Variants in LRRTM4 observed in about 807,000 individuals in gnomAD.
LRRTM4 encodes the protein leucine-rich repeat transmembrane neuronal protein 4.
A neutral mutation model predicts 47.6 loss-of-function variants in LRRTM4; 25 were observed. The ratio of observed to expected loss-of-function variants is 0.53; its 90% CI spans 0.38 to 0.73. The LOEUF (loss-of-function observed/expected upper bound fraction) is 0.73. Ranked by LOEUF, LRRTM4 falls within the 30% of genes least tolerant of loss-of-function variation. LRRTM4 has a pLI of 0.00. For missense variants in LRRTM4, 638 were observed against 713.4 expected (o/e 0.89, Z 1.20); for synonymous variants, 311 against 269.5 (o/e 1.15, Z -1.51).
intron 3 of LRRTM4, among the ~76,000 whole-genome samples, chr2:77,150,436 C>G (rs1213314999): frequency 2.0e-5 from 3 of 152,048 alleles, no homozygotes; most frequent in Non-Finnish European, 4.4e-5. Flanking sequence ...ATACTGTTAG[C>G]CTATTTCAGA....
At chr2:77,417,553 T>G (rs1487338121) in intron 3 of LRRTM4, among the ~76,000 whole-genome samples, 2 of 152,158 alleles carry the variant, frequency 1.3e-5, no homozygotes, top group Admixed American at 1.3e-4. Flanking sequence ...CATGGAACAC[T>G]ATGCAGCCAT....
intron 3 of LRRTM4, among the ~76,000 whole-genome samples, chr2:77,193,716 G>T (rs1434863178): frequency 6.6e-6 from 1 of 152,076 alleles, no homozygotes; most frequent in African/African-American, 2.4e-5. Context: ...CAAGAGAATC[G>T]CTTGAAGCCA....
intron 3 of LRRTM4, among the ~76,000 whole-genome samples, chr2:76,809,360 C>A (rs1670658730): frequency 1.3e-5 from 2 of 152,092 alleles, no homozygotes; most frequent in Non-Finnish European, 2.9e-5. Context: ...CTCCCACTCG[C>A]CCCCTCCCCA....
At chr2:76,930,973 G>A (rs188906229) in intron 3 of LRRTM4, among the ~76,000 whole-genome samples, 9 of 152,074 alleles carry the variant, frequency 5.9e-5, no homozygotes, top group African/African-American at 2.2e-4. Flanking sequence ...TCCTAGTGAT[G>A]TTTATAAAAC....
rs776648650 is a variant in LRRTM4 at position 77,051,015 on chromosome 2, ATTTTT to A, written c.1552-302104_1552-302100del. Among the ~76,000 whole-genome samples, 392 of 149,180 alleles carry A rather than the reference ATTTTT, an allele frequency of 2.6e-3. 2 individuals are homozygous for A. The highest frequency in any genetic ancestry group is 7.2e-3 in the African/African-American group (295 of 41,002). On this transcript the variant is annotated intron_variant, in intron 3 of 3. Coordinates refer to ENST00000409884, the MANE Select transcript of LRRTM4 (RefSeq NM_001134745.3). The stretch of plus-strand genomic sequence containing the variant: ...TCTAGGTAAACAAGATACTTAAAAC[ATTTTT>A]TTTTTTTTAAAATAGATAACACTAA...
chr2:77,084,077 T>C (rs1045243258), intron 3 of LRRTM4, among the ~76,000 whole-genome samples: 5 of 152,096 alleles, frequency 3.3e-5, no homozygotes, highest in Non-Finnish European at 7.3e-5. Context: ...AGTGCTGGGA[T>C]TACAGGTGTG....
At chr2:76,867,296 G>C (rs563840748) in intron 3 of LRRTM4, among the ~76,000 whole-genome samples, 9 of 152,280 alleles carry the variant, frequency 5.9e-5, no homozygotes, top group African/African-American at 1.9e-4. Context: ...TGTGGTGCTT[G>C]TTAGACAGGT....
chr2:77,014,523 T>TATA, intron 3 of LRRTM4, among the ~76,000 whole-genome samples: 6 of 149,658 alleles, frequency 4.0e-5, no homozygotes, highest in South Asian at 4.2e-4. Context: ...TATATAAAGA[T>TATA]TTTATAGGCC....
At chr2:76,957,378 T>C (rs553506407) in intron 3 of LRRTM4, among the ~76,000 whole-genome samples, 35 of 151,868 alleles carry the variant, frequency 2.3e-4, no homozygotes, top group Non-Finnish European at 4.0e-4. Context: ...TGTACACGTA[T>C]GTTAAAAAGG....
intron 3 of LRRTM4, among the ~76,000 whole-genome samples, chr2:76,994,284 A>T (rs1215247726): frequency 6.6e-6 from 1 of 151,952 alleles, no homozygotes; most frequent in East Asian, 1.9e-4. Flanking sequence ...AAATTATTTT[A>T]AAAATTATAA....
chr2:76,858,898 TC>T (rs1672233347), intron 3 of LRRTM4, among the ~76,000 whole-genome samples: 1 of 152,158 alleles, frequency 6.6e-6, no homozygotes, highest in South Asian at 2.1e-4. Context: ...CTTTGGAACT[TC>T]AAGACTCTGG....
intron 3 of LRRTM4, among the ~76,000 whole-genome samples, chr2:77,456,060 C>A (rs1310584924): frequency 6.6e-6 from 1 of 152,116 alleles, no homozygotes; most frequent in Non-Finnish European, 1.5e-5. Context: ...ATGTCCCCTA[C>A]CTTGAGCTCT....
rs146214109 is a variant in LRRTM4 at position 76,969,383 on chromosome 2, G to A, written c.1552-220467C>T. 4.9e-3 allele frequency among the ~76,000 whole-genome samples: 742 copies of A among 151,924 alleles called. 8 individuals are homozygous for A. The highest frequency in any genetic ancestry group is 0.017 in the African/African-American group (704 of 41,472). On this transcript the variant is annotated intron_variant, in intron 3 of 3. Transcript: ENST00000409884. Reference sequence around the variant, plus strand: ...ACGGAAAAATTCAAGAAGTATGAACGGTGCTAGTAATTCCCTCCAGAGGCA... The same window carrying A: ...ACGGAAAAATTCAAGAAGTATGAACAGTGCTAGTAATTCCCTCCAGAGGCA...
At chr2:77,019,384 G>A (rs1055837332) in intron 3 of LRRTM4, among the ~76,000 whole-genome samples, 2 of 151,810 alleles carry the variant, frequency 1.3e-5, no homozygotes, top group African/African-American at 4.8e-5. Context: ...GTATCTAAGA[G>A]TACTACCTCT....
chr2:76,945,824 T>C (rs186996601), intron 3 of LRRTM4, among the ~76,000 whole-genome samples: 7 of 152,034 alleles, frequency 4.6e-5, no homozygotes, highest in Non-Finnish European at 8.8e-5. Flanking sequence ...TAGACTTTTG[T>C]AATCATAACA....
chr2:77,429,916 A>G (rs1247302527), intron 3 of LRRTM4, among the ~76,000 whole-genome samples: 1 of 152,032 alleles, frequency 6.6e-6, no homozygotes. Context: ...AAATACAAAA[A>G]TTAGCCAGGC....
chr2:77,297,918 T>C (rs560575574), intron 3 of LRRTM4, among the ~76,000 whole-genome samples: 51 of 152,340 alleles, frequency 3.3e-4, no homozygotes, highest in African/African-American at 1.1e-3. Flanking sequence ...AAGATAATTT[T>C]TGTTTTGTTT....
chr2:76,817,357 G>T (rs1670931167), intron 3 of LRRTM4, among the ~76,000 whole-genome samples: 1 of 151,916 alleles, frequency 6.6e-6, no homozygotes, highest in Non-Finnish European at 1.5e-5. Context: ...ATTCAAGTTG[G>T]TATGATTATT....
intron 3 of LRRTM4, among the ~76,000 whole-genome samples, chr2:77,478,262 G>T (rs1402494130): frequency 6.6e-6 from 1 of 151,982 alleles, no homozygotes; most frequent in Non-Finnish European, 1.5e-5. Flanking sequence ...TCTTTTTGTT[G>T]TTATTACAAA....
Sources: allele counts gnomAD v4.1 joint callset (sites outside exome capture counted in the v4.1 genomes callset), GRCh38; gene constraint gnomAD v4.1.1; transcripts MANE v1.5; gene names NCBI Gene and HGNC (gene_info 2026-07-23, HGNC 2026-07-21).